Variants in AGR2 observed in about 807,000 individuals in gnomAD.
AGR2 encodes anterior gradient 2, protein disulphide isomerase family member, also known as anterior gradient protein 2 homolog.
In AGR2, 27 loss-of-function variants were observed where a neutral mutation model predicts 25.9. The observed-to-expected ratio is 1.04, with a 90% CI of 0.77 to 1.44. AGR2 has a LOEUF of 1.44. Among genes scored for constraint, AGR2 ranks in the 40% most tolerant of loss-of-function variants. The probability of loss-of-function intolerance (pLI) is 0.00; values close to 1 mark genes in which losing one functional copy is unlikely to be tolerated. For missense variants in AGR2, 182 were observed against 200.9 expected, an observed-to-expected ratio of 0.91 and a Z score of 0.57; for synonymous variants, 78 against 72.0, an observed-to-expected ratio of 1.08 and a Z score of -0.42.
intron 5 of AGR2, 137 bp from the exon 6 acceptor site, chr7:16,797,831 A>T: frequency 1.6e-6 from 1 of 631,308 alleles, no homozygotes; most frequent in South Asian, 2.1e-5. Flanking sequence ...TTTATTGTAC[A>T]GATGAGGAGA....
At chr7:16,796,940 G>T (rs1315093529) in intron 6 of AGR2, among the ~76,000 whole-genome samples, 168 of 141,558 alleles carry the variant, frequency 1.2e-3, no homozygotes, top group Non-Finnish European at 1.2e-3. Context: ...TTTTTTTTTT[G>T]AGACAGAATC....
chr7:16,800,074 G>A lies in AGR2; in HGVS notation c.257-257C>T, dbSNP rs183594958. Reference sequence around the variant, plus strand: ...CATATTTATTGAATGGCTGCCATGTGTTACGCACTGTGTTCTGTACTAGGG... The same window carrying A: ...CATATTTATTGAATGGCTGCCATGTATTACGCACTGTGTTCTGTACTAGGG... On this transcript the variant is annotated intron_variant, in intron 4 of 7. Coordinates refer to ENST00000419304, the MANE Select transcript of AGR2 (RefSeq NM_006408.4). Among the ~76,000 whole-genome samples the A allele has an allele frequency of 2.6e-5, 4 of 152,226 alleles. No homozygotes were observed. The East Asian group carries it at 7.7e-4, about 29-fold the overall frequency.
chr7:16,802,113 C>T (rs544793398), intron 1 of AGR2, among the ~76,000 whole-genome samples: 23 of 151,990 alleles, frequency 1.5e-4, no homozygotes, highest in African/African-American at 4.1e-4. Flanking sequence ...CACGGTCAAC[C>T]GCGTCCAAAA....
At position 16,801,221 on chromosome 7, in the gene AGR2, T is replaced by A. The variant is rs751938242; in HGVS notation, c.204-18A>T. 1.2e-6 allele frequency: 2 copies of A among 1,613,534 alleles called. No individual in the cohort carries two copies. Among genetic ancestry groups the A allele is most frequent in the Non-Finnish European group, 1.7e-6 (2 of 1,179,540 alleles). Reference sequence around the variant, plus strand: ...GTTTGTTGCTTTAAAAGACAGAGATTAGACAAATTTTAATGAGTAAGATTT... The same window carrying A: ...GTTTGTTGCTTTAAAAGACAGAGATAAGACAAATTTTAATGAGTAAGATTT... On this transcript the variant is annotated intron_variant, in intron 3 of 7. Coordinates refer to ENST00000419304, the MANE Select transcript of AGR2 (RefSeq NM_006408.4).
At chr7:16,803,199 G>A (rs999604443) in intron 1 of AGR2, 1 of 152,130 alleles carries the variant, frequency 6.6e-6, no homozygotes, top group African/African-American at 2.4e-5. Flanking sequence ...AAAAACTAAA[G>A]CCTATGAAAA....
chr7:16,800,701 T>A (rs1300351263), intron 4 of AGR2, among the ~76,000 whole-genome samples: 3 of 152,116 alleles, frequency 2.0e-5, no homozygotes, highest in Admixed American at 1.3e-4. Flanking sequence ...AGTGGTTGGA[T>A]TTGGGCCCAG....
In AGR2 at chr7:16,801,018, A is replaced by C. The variant is rs577766048; in HGVS notation, c.256+133T>G. ...TGGAGATATTTGAAGTCACTTTTAA[A>C]TATGTTTTTACTATATAAAATATTC... On this transcript the variant is annotated intron_variant, in intron 4 of 7. Transcript: ENST00000419304. 4 of 632,662 alleles carry C rather than the reference A, an allele frequency of 6.3e-6. No homozygotes were observed. The African/African-American group carries it at 7.3e-5, about 12-fold the overall frequency. The allele number at this position is 632,662 out of a possible 1,614,324, so 39.2% of individuals were successfully genotyped here.
At chr7:16,798,915 T>C (rs565793776) in intron 5 of AGR2, among the ~76,000 whole-genome samples, 7 of 152,324 alleles carry the variant, frequency 4.6e-5, no homozygotes, top group African/African-American at 1.7e-4. Context: ...TTATGAGATA[T>C]CTGGAATATG....
At position 16,801,401 on chromosome 7, in the gene AGR2, A is replaced by C; in HGVS notation, c.140-18T>G. ...ACCCCAACCTAGAATGAAATGAATCAGTATATTTGAAGCTTGTATAAATTC... is the reference window on the plus strand; with the variant it reads ...ACCCCAACCTAGAATGAAATGAATCCGTATATTTGAAGCTTGTATAAATTC... On this transcript the variant is annotated intron_variant, in intron 2 of 7. Coordinates refer to ENST00000419304, the MANE Select transcript of AGR2 (RefSeq NM_006408.4). The C allele has an allele frequency of 6.2e-7, 1 of 1,608,344 alleles. No homozygotes were observed. Among genetic ancestry groups the C allele is most frequent in the Non-Finnish European group, 8.5e-7 (1 of 1,175,386 alleles).
chr7:16,797,733 C>A, intron 5 of AGR2, 39 bp from the exon 6 acceptor site: 1 of 1,577,260 alleles, frequency 6.3e-7, no homozygotes, highest in Non-Finnish European at 8.7e-7. Flanking sequence ...TTTACTTTGA[C>A]TTTTCAGTCG....
intron 7 of AGR2, 117 bp downstream of exon 7, chr7:16,794,819 C>A (rs773766967): frequency 3.2e-6 from 5 of 1,558,784 alleles, no homozygotes; most frequent in Non-Finnish European, 4.3e-6. Flanking sequence ...CAAACTGAGT[C>A]CGAGGCGTCC....
chr7:16,804,435 C>A (rs1785200617), intron 1 of AGR2, among the ~76,000 whole-genome samples: 1 of 152,160 alleles, frequency 6.6e-6, no homozygotes, highest in Non-Finnish European at 1.5e-5. Context: ...CCTCTAATAG[C>A]CTATCCCATG....
rs369355847 is a variant in AGR2, at chr7:16,792,854, C to T, written c.*54G>A. ...ACTAGCCAGTCTTCTCACACTTCTT[C>T]TGGTTTCAAGTCTCAAGGCCTGACA... is the stretch of plus-strand genomic sequence containing the variant. On this transcript the variant is annotated 3_prime_UTR_variant, in exon 8 of 8. Transcript: ENST00000419304. 1.1e-4 allele frequency: 165 copies of T among 1,487,230 alleles called. No individual in the cohort carries two copies. The East Asian group carries it at 2.1e-3, about 19-fold the overall frequency. 92.1% of individuals were successfully genotyped at this position (1,487,230 alleles called of 1,614,324 possible). A position where few individuals can be genotyped will look rare whatever the true frequency, so the allele number is the denominator to read the frequency against.
intron 7 of AGR2, among the ~76,000 whole-genome samples, chr7:16,793,412 T>C (rs989820532): frequency 6.6e-6 from 1 of 152,224 alleles, no homozygotes; most frequent in Non-Finnish European, 1.5e-5. Flanking sequence ...AAAAAAATTA[T>C]ATGAAATGGC....
At chr7:16,793,003 A>G in intron 7 of AGR2, 46 bp from the exon 8 acceptor site, 1 of 1,552,800 alleles carries the variant, frequency 6.4e-7, no homozygotes, top group Non-Finnish European at 8.9e-7. Context: ...ATCGTGCGTT[A>G]TATCGATATA....
intron 7 of AGR2, among the ~76,000 whole-genome samples, chr7:16,793,864 A>G (rs1785001044): frequency 6.6e-6 from 1 of 152,248 alleles, no homozygotes; most frequent in East Asian, 1.9e-4. Context: ...TCCACTCGAT[A>G]GGCATTGAAC....
intron 4 of AGR2, among the ~76,000 whole-genome samples, chr7:16,800,309 T>C (rs1034169473): frequency 1.3e-5 from 2 of 152,162 alleles, no homozygotes; most frequent in African/African-American, 4.8e-5. Flanking sequence ...GAGGGAGTGG[T>C]CCATTTTGGG....
At chr7:16,797,529 A>G (rs1785067896) in intron 6 of AGR2, 102 bp downstream of exon 6, 2 of 892,456 alleles carry the variant, frequency 2.2e-6, no homozygotes, top group East Asian at 4.9e-5. Context: ...CTTAGTGATG[A>G]CATTGGCCAT....
At chr7:16,794,151 T>C (rs943506911) in intron 7 of AGR2, among the ~76,000 whole-genome samples, 2 of 152,228 alleles carry the variant, frequency 1.3e-5, no homozygotes, top group African/African-American at 4.8e-5. Context: ...CACTGGCCAA[T>C]AGAAATTTCT....
Sources: gnomAD v4.1 joint callset for allele counts (sites outside exome capture counted in the v4.1 genomes callset) on GRCh38, gnomAD v4.1.1 for gene constraint, MANE v1.5 for transcripts, NCBI Gene and HGNC (gene_info 2026-07-23, HGNC 2026-07-21) for gene names.